Variants in SNX29 observed in about 807,000 individuals in gnomAD.
SNX29 encodes the protein sorting nexin-29.
A neutral mutation model predicts 102.1 loss-of-function variants in SNX29; 78 were observed. The observed-to-expected ratio is 0.76, with a 90% confidence interval of 0.64 to 0.92. SNX29 has a LOEUF of 0.92. Among genes scored for constraint, SNX29 ranks in the 40% least tolerant of loss-of-function variants. The pLI is 0.00. For synonymous variants in SNX29, 580 were observed against 414.5 expected, an observed-to-expected ratio of 1.40 and a Z score of -4.85; for missense variants, 1,280 against 1,061.7, an observed-to-expected ratio of 1.21 and a Z score of -2.86.
At chr16:12,140,922 T>A (rs1489676642) in intron 13 of SNX29, among the ~76,000 whole-genome samples, 1 of 152,174 alleles carries the variant, frequency 6.6e-6, no homozygotes, top group Non-Finnish European at 1.5e-5. Context: ...ATAACCTACT[T>A]ATACAAGTAA....
At chr16:12,030,933 G>A (rs540611300) in intron 4 of SNX29, among the ~76,000 whole-genome samples, 11 of 152,220 alleles carry the variant, frequency 7.2e-5, no homozygotes, top group East Asian at 5.8e-4. Flanking sequence ...CTCCTGCCAC[G>A]CCCCTGCCTT....
rs533096342 is a variant in SNX29, at chr16:12,356,925, C to T, written c.1899+646C>T. On this transcript the variant is annotated intron_variant, in intron 16 of 20. Transcript: ENST00000566228. ...ATGTCCTCTGCATTTCAGAACCTGG[C>T]AGAATCACCCCTGGTTGAGATTCGC... 2.0e-5 allele frequency among the ~76,000 whole-genome samples: 3 copies of T among 152,354 alleles called. No individual in the cohort carries two copies. The South Asian group carries it at 6.2e-4, about 32-fold the overall frequency.
At chr16:12,527,530 C>A in intron 20 of SNX29, 1 of 398,206 alleles carries the variant, frequency 2.5e-6, no homozygotes, top group Non-Finnish European at 4.8e-6. Context: ...AGAGGGCCCC[C>A]CATTTTCCTG....
intron 19 of SNX29, among the ~76,000 whole-genome samples, chr16:12,498,978 C>G (rs1156374443): frequency 6.6e-6 from 1 of 152,136 alleles, no homozygotes; most frequent in African/African-American, 2.4e-5. Flanking sequence ...GCCATAGCTC[C>G]TTTTGGACAG....
chr16:12,547,702 G>C (rs1388792062), intron 20 of SNX29, among the ~76,000 whole-genome samples: 1 of 152,120 alleles, frequency 6.6e-6, no homozygotes, highest in Non-Finnish European at 1.5e-5. Flanking sequence ...GTTCCTGTCT[G>C]GGATCTGCAT....
intron 4 of SNX29, among the ~76,000 whole-genome samples, chr16:12,036,334 C>CTTTTT (rs1217078180): frequency 1.3e-5 from 1 of 78,502 alleles, no homozygotes; most frequent in East Asian, 2.6e-4. Flanking sequence ...TTCTTTCTTT[C>CTTTTT]TTTTTTTTTT....
chr16:12,540,678 C>T (rs554477689), intron 20 of SNX29, among the ~76,000 whole-genome samples: 1 of 152,202 alleles, frequency 6.6e-6, no homozygotes, highest in Admixed American at 6.5e-5. Context: ...AGCTGCTGGT[C>T]CCTCTTGTTG....
intron 20 of SNX29, among the ~76,000 whole-genome samples, chr16:12,555,895 C>T (rs911541836): frequency 6.6e-6 from 1 of 152,056 alleles, no homozygotes; most frequent in Non-Finnish European, 1.5e-5. Context: ...CCCTCCTGTT[C>T]TTGGTCTCAA....
chr16:12,476,418 A>ATATATATATATATATACG (rs2087635949), intron 18 of SNX29, among the ~76,000 whole-genome samples: 1 of 29,296 alleles, frequency 3.4e-5, no homozygotes, highest in African/African-American at 1.2e-4. Context: ...ATATACATAT[A>ATATATATATATATATACG]TATATATATA....
Position 12,001,703 on chromosome 16 carries a change from G to C in SNX29, c.70-1288G>C, listed in dbSNP as rs147307560. Among the ~76,000 whole-genome samples, 59 of 152,246 alleles carry C rather than the reference G, an allele frequency of 3.9e-4. 1 individual carries two copies. The East Asian group carries it at 9.3e-3, about 24-fold the overall frequency. On this transcript the variant is annotated intron_variant, in intron 2 of 20. Transcript: ENST00000566228. Reference sequence around the variant, plus strand: ...CCCTGCAAGCGTGCTACCCATAGCAGAGATACTATACCTTTAAAAGAAAAG... The same window carrying C: ...CCCTGCAAGCGTGCTACCCATAGCACAGATACTATACCTTTAAAAGAAAAG...
chr16:12,159,042 T>G (rs1265784376), intron 13 of SNX29, among the ~76,000 whole-genome samples: 1 of 152,172 alleles, frequency 6.6e-6, no homozygotes, highest in Non-Finnish European at 1.5e-5. Flanking sequence ...ATTAATATGG[T>G]GTAGGCTTGG....
intron 16 of SNX29, chr16:12,375,103 G>A (rs191310410): frequency 6.6e-6 from 1 of 152,116 alleles, no homozygotes; most frequent in African/African-American, 2.4e-5. Context: ...CAGTGCAAGT[G>A]GGAGGCGAGT....
intron 15 of SNX29, among the ~76,000 whole-genome samples, chr16:12,283,082 G>A (rs1443515130): frequency 6.6e-6 from 1 of 152,214 alleles, no homozygotes; most frequent in Non-Finnish European, 1.5e-5. Context: ...AGGAGGCATA[G>A]CTTGGAGAGC....
In SNX29 at chr16:12,538,198, CTCTGTGT is replaced by C. The variant is rs1254907874; in HGVS notation, c.2318+13362_2318+13368del. 6.6e-5 allele frequency among the ~76,000 whole-genome samples: 10 copies of C among 152,256 alleles called. No homozygotes were observed. In the South Asian group the frequency reaches 1.2e-3, roughly 19 times the overall value. ...TGGTGTGATCTAGGCTCACCGCAAG[CTCTGTGT>C]TCTGGGTTCATGCCATTCTTGTGCC... is the stretch of plus-strand genomic sequence containing the variant. On this transcript the variant is annotated intron_variant, in intron 20 of 20. Transcript: ENST00000566228.
rs564330303 is a variant in SNX29 at position 12,045,552 on chromosome 16, C to T, written c.429-832C>T. On this transcript the variant is annotated intron_variant, in intron 5 of 20. Transcript: ENST00000566228. ...TCTATATTTGTGGGGCATTTTTAGCCTCCTAGCCTTTTCCAAGGATAATGT... is the reference window on the plus strand; with the variant it reads ...TCTATATTTGTGGGGCATTTTTAGCTTCCTAGCCTTTTCCAAGGATAATGT... 3.3e-5 allele frequency among the ~76,000 whole-genome samples: 5 copies of T among 151,774 alleles called. No homozygotes were observed. The East Asian group carries it at 9.6e-4, about 29-fold the overall frequency.
chr16:12,275,661 T>A (rs2079221094), intron 14 of SNX29, among the ~76,000 whole-genome samples: 1 of 148,434 alleles, frequency 6.7e-6, no homozygotes, highest in Non-Finnish European at 1.5e-5. Context: ...TTAGCTTCTG[T>A]AATTTTGTTT....
chr16:12,486,757 GCTCTGATGGCCTGT>G (rs2088261036), intron 19 of SNX29, among the ~76,000 whole-genome samples: 1 of 152,170 alleles, frequency 6.6e-6, no homozygotes, highest in Admixed American at 6.5e-5. Context: ...GTGAGGAGGG[GCTCTGATGGCCTGT>G]CTCTCCGCCC....
In SNX29 at chr16:12,067,040, C is replaced by A. The variant is rs532718179; in HGVS notation, c.1244-2017C>A. On this transcript the variant is annotated intron_variant, in intron 9 of 20. Coordinates refer to ENST00000566228, the MANE Select transcript of SNX29 (RefSeq NM_032167.5). ...ATAAATAAATAAATAAATAAGCAGG[C>A]CAGTCATGAGGGTGCATGCCTGCAG... 1.2e-4 allele frequency among the ~76,000 whole-genome samples: 18 copies of A among 150,516 alleles called. No homozygotes were observed. The South Asian group carries it at 3.4e-3, about 28-fold the overall frequency.
chr16:12,513,081 A>C (rs1254211366), intron 19 of SNX29, among the ~76,000 whole-genome samples: 1 of 151,962 alleles, frequency 6.6e-6, no homozygotes, highest in African/African-American at 2.4e-5. Flanking sequence ...TTTGACATGC[A>C]TCCTGCCCTG....
Sources: gnomAD v4.1 joint callset for allele counts (sites outside exome capture counted in the v4.1 genomes callset) on GRCh38, gnomAD v4.1.1 for gene constraint, MANE v1.5 for transcripts, NCBI Gene and HGNC (gene_info 2026-07-23, HGNC 2026-07-21) for gene names.